The following AMD1 variants were observed in gnomAD, a reference collection of about 807,000 sequenced individuals.
AMD1 encodes the protein S-adenosylmethionine decarboxylase proenzyme.
In AMD1, 11 loss-of-function variants were observed where a neutral mutation model predicts 40.2. The observed-to-expected ratio is 0.27, with a 90% CI of 0.17 to 0.45. The LOEUF is 0.45. Among genes scored for constraint, AMD1 ranks in the 20% least tolerant of loss-of-function variants. The pLI is 1.00. For synonymous variants in AMD1, 121 were observed against 130.8 expected (o/e 0.93, Z 0.51); for missense variants, 257 against 410.2 (o/e 0.63, Z 3.23).
the AMD1 span, among the ~76,000 whole-genome samples, chr6:110,834,938 A>C: frequency 1.4e-5 from 2 of 138,402 alleles, no homozygotes; most frequent in Non-Finnish European, 1.6e-5. Flanking sequence ...ACAGAGAGAG[A>C]CTCCATCCAA....
At chr6:110,814,963 A>T in the AMD1 span, 3 of 1,592,170 alleles carry the variant, frequency 1.9e-6, no homozygotes, top group Non-Finnish European at 2.6e-6. Context: ...GGTCGCGGGC[A>T]GGGCGAGGAC....
the AMD1 span, among the ~76,000 whole-genome samples, chr6:110,828,122 A>T: frequency 6.6e-6 from 1 of 152,128 alleles, no homozygotes; most frequent in African/African-American, 2.4e-5. Flanking sequence ...GAAGTGAACT[A>T]TGGGATGATT....
At chr6:110,859,462 C>G in the AMD1 span, among the ~76,000 whole-genome samples, 7 of 152,150 alleles carry the variant, frequency 4.6e-5, no homozygotes, top group African/African-American at 1.7e-4. Context: ...ACCCAGTCCC[C>G]GAAGGTTTCC....
the AMD1 span, among the ~76,000 whole-genome samples, chr6:110,825,075 C>G: frequency 6.6e-6 from 1 of 152,188 alleles, no homozygotes; most frequent in East Asian, 1.9e-4. Flanking sequence ...CCCCTGAAGC[C>G]CAGATAGTAC....
chr6:110,865,599 T>A, the AMD1 span, among the ~76,000 whole-genome samples: 1 of 151,964 alleles, frequency 6.6e-6, no homozygotes, highest in African/African-American at 2.4e-5. Context: ...TTCACCATGT[T>A]GGCCAGTCTG....
chr6:110,887,453 G>T, intron 1 of AMD1, 52 bp from the exon 2 acceptor site: 1 of 1,296,864 alleles, frequency 7.7e-7, no homozygotes, highest in East Asian at 2.5e-5. Flanking sequence ...TAATTTTTAT[G>T]AGTAGGTGGG....
At chr6:110,863,279 G>A in the AMD1 span, among the ~76,000 whole-genome samples, 17 of 150,670 alleles carry the variant, frequency 1.1e-4, no homozygotes, top group African/African-American at 4.1e-4. Context: ...AATGAGTCTC[G>A]ATTGTAGATA....
intron 1 of AMD1, among the ~76,000 whole-genome samples, chr6:110,879,789 A>C (rs1785306490): frequency 6.6e-6 from 1 of 152,220 alleles, no homozygotes; most frequent in South Asian, 2.1e-4. Context: ...CTGGTTTTAC[A>C]TTAGGAAGTA....
In AMD1 at chr6:110,881,126, A is replaced by G. The variant is rs539067830; in HGVS notation, c.110+5911A>G. The stretch of plus-strand genomic sequence containing the variant: ...GTGCTGTTATTAATATAGAACATCT[A>G]TTTTTCTTTGGGATCATTTATCATG... On this transcript the variant is annotated intron_variant, in intron 1 of 8. Transcript: ENST00000368885. 4.3e-4 allele frequency among the ~76,000 whole-genome samples: 65 copies of G among 152,128 alleles called. 1 individual carries two copies. The South Asian group carries it at 5.6e-3, about 13-fold the overall frequency.
At chr6:110,875,283 CG>C in intron 1 of AMD1, 68 bp downstream of exon 1, 3 of 1,261,488 alleles carry the variant, frequency 2.4e-6, no homozygotes, top group Non-Finnish European at 2.3e-6. Context: ...GCACCAGCCA[CG>C]GGTGGAGCCC....
At chr6:110,815,298 G>A in the AMD1 span, 5 of 740,140 alleles carry the variant, frequency 6.8e-6, no homozygotes, top group East Asian at 3.6e-5. Flanking sequence ...CTTCAGCAAG[G>A]GACTCCTCGG....
intron 1 of AMD1, among the ~76,000 whole-genome samples, 166 bp from the exon 2 acceptor site, chr6:110,887,339 C>A (rs1290734489): frequency 5.9e-5 from 9 of 151,984 alleles, no homozygotes; most frequent in African/African-American, 2.2e-4. Context: ...ATATACCTAT[C>A]ATTTATCTGG....
At chr6:110,861,569 C>T in the AMD1 span, among the ~76,000 whole-genome samples, 1 of 151,876 alleles carries the variant, frequency 6.6e-6, no homozygotes, top group Non-Finnish European at 1.5e-5. Context: ...AGGCCAGGCA[C>T]GGTGGCTCAT....
chr6:110,879,968 C>A (rs75593045), intron 1 of AMD1, among the ~76,000 whole-genome samples: 2 of 145,056 alleles, frequency 1.4e-5, no homozygotes, highest in Non-Finnish European at 3.1e-5. Flanking sequence ...AGTTCTTGGT[C>A]TTTTTTTTTT....
At chr6:110,830,258 C>T in the AMD1 span, among the ~76,000 whole-genome samples, 1 of 152,096 alleles carries the variant, frequency 6.6e-6, no homozygotes, top group African/African-American at 2.4e-5. Flanking sequence ...TCATGATCCG[C>T]CCACCTGAGC....
At chr6:110,856,215 C>G in the AMD1 span, among the ~76,000 whole-genome samples, 3 of 152,140 alleles carry the variant, frequency 2.0e-5, no homozygotes, top group African/African-American at 7.2e-5. Context: ...TGGGATTGTA[C>G]AGTTGCTGCA....
chr6:110,891,588 G>C (rs1350228447), intron 4 of AMD1: 1 of 154,616 alleles, frequency 6.5e-6, no homozygotes, highest in Non-Finnish European at 1.4e-5. Context: ...TTTGCACAAA[G>C]TCGCTCATAA....
chr6:110,863,927 T>C, the AMD1 span: 1 of 492,218 alleles, frequency 2.0e-6, no homozygotes, highest in Non-Finnish European at 4.0e-6. Context: ...CAAAAAAACA[T>C]GAAGGCCAAA....
chr6:110,895,686 A>G lies in AMD1; in HGVS notation c.*2070A>G, dbSNP rs1422621576. 6.6e-6 allele frequency: 1 copy of G among 152,622 alleles called. No homozygotes were observed. The highest frequency in any genetic ancestry group is 1.5e-5 in the Non-Finnish European group (1 of 68,036). 9.5% of individuals were successfully genotyped at this position (152,622 alleles called of 1,614,324 possible). ...GTACCACAATTTACGCTTCAATAAAAGTTTAATTGTCTAGTGACATTCAGA... is the reference window on the plus strand; with the variant it reads ...GTACCACAATTTACGCTTCAATAAAGGTTTAATTGTCTAGTGACATTCAGA... On this transcript the variant is annotated 3_prime_UTR_variant, in exon 9 of 9. Coordinates refer to ENST00000368885, the MANE Select transcript of AMD1 (RefSeq NM_001634.6).
Sources: gnomAD v4.1 joint callset for allele counts (sites outside exome capture counted in the v4.1 genomes callset) on GRCh38, gnomAD v4.1.1 for gene constraint, MANE v1.5 for transcripts, NCBI Gene and HGNC (gene_info 2026-07-23, HGNC 2026-07-21) for gene names.